NCOR2: variants seen among roughly 807,000 people sequenced by gnomAD.
NCOR2 encodes the protein CTG repeat protein 26.
Under a neutral mutation model 262.9 loss-of-function variants are expected in NCOR2, and 81 were observed. That is an observed-to-expected ratio of 0.31 (90% confidence interval 0.26 to 0.37). The LOEUF is 0.37. Ranked by LOEUF, NCOR2 falls within the 10% of genes least tolerant of loss-of-function variation. NCOR2 has a pLI of 1.00. For synonymous variants in NCOR2, 1,659 were observed against 1,559.3 expected (o/e 1.06, Z -1.51); for missense variants, 3,385 against 3,621.4 (o/e 0.93, Z 1.68).
chr12:124,355,345 G>A lies in NCOR2; in HGVS notation c.3381+87C>T, dbSNP rs890652094. ...GATGACCCAGGCCCCCGAGAGCCTG[G>A]CCCCCACTCAGACTTCATTGGTCCC... On this transcript the variant is annotated intron_variant, in intron 24 of 46. Transcript: ENST00000405201. 19 of 1,496,364 alleles carry A rather than the reference G, an allele frequency of 1.3e-5. No homozygotes were observed. The African/African-American group carries it at 2.6e-4, about 21-fold the overall frequency. The allele number at this position is 1,496,364 out of a possible 1,614,324, so 92.7% of individuals were successfully genotyped here.
upstream of NCOR2, among the ~76,000 whole-genome samples, chr12:124,498,482 C>A (rs1474113494): frequency 6.6e-6 from 1 of 152,146 alleles, no homozygotes; most frequent in Non-Finnish European, 1.5e-5. Flanking sequence ...GAACAGGGAA[C>A]AACTCCAGTA....
chr12:124,376,945 G>A (rs1282790489), intron 18 of NCOR2, among the ~76,000 whole-genome samples: 1 of 152,202 alleles, frequency 6.6e-6, no homozygotes, highest in Admixed American at 6.5e-5. Context: ...CAGCAGAGAA[G>A]GGCTGAGGTC....
At chr12:124,524,948 C>T (rs868182724) in intron 1 of NCOR2, among the ~76,000 whole-genome samples, 1 of 152,236 alleles carries the variant, frequency 6.6e-6, no homozygotes, top group East Asian at 1.9e-4. Context: ...GTACATGAGT[C>T]CGGAACATGC....
chr12:124,478,256 T>A (rs2047215445), intron 3 of NCOR2, among the ~76,000 whole-genome samples: 1 of 152,248 alleles, frequency 6.6e-6, no homozygotes, highest in Non-Finnish European at 1.5e-5. Flanking sequence ...ATCAAGCTGT[T>A]ACCTGAAGCT....
intron 4 of NCOR2, among the ~76,000 whole-genome samples, chr12:124,469,696 A>G (rs1328769373): frequency 2.6e-5 from 4 of 152,200 alleles, no homozygotes; most frequent in African/African-American, 9.7e-5. Context: ...ACCTGTGGGT[A>G]TATGCCTACC....
intron 6 of NCOR2, among the ~76,000 whole-genome samples, 186 bp downstream of exon 8, chr12:124,456,920 C>A (rs1226578414): frequency 7.0e-6 from 1 of 143,564 alleles, no homozygotes; most frequent in East Asian, 2.1e-4. Context: ...CCCAGCCAGG[C>A]CCGCCCACCC....
intron 17 of NCOR2, chr12:124,383,450 G>T (rs1268891): frequency 0.25 from 182,652 of 735,468 alleles, 24,794 homozygotes; most frequent in East Asian, 0.61. Context: ...CACTCAACAG[G>T]GTGCCTTAAG....
chr12:124,503,657 T>C lies in NCOR2; in HGVS notation c.-117-8289A>G, dbSNP rs1195943910. Among the ~76,000 whole-genome samples, 1 of 142,216 alleles carries C rather than the reference T, an allele frequency of 7.0e-6. No individual in the cohort carries two copies. Among genetic ancestry groups the C allele is most frequent in the East Asian group, 2.0e-4 (1 of 4,896 alleles). 93.3% of individuals were successfully genotyped at this position (142,216 alleles called of 152,430 possible). On this transcript the variant is annotated intron_variant, in intron 1 of 46. Transcript: ENST00000404621. The surrounding 1 kb of genome is among the most constrained non-coding windows in gnomAD (Gnocchi z 4.3). ...ATGGGCGAATGGATGGATGGATGGA[T>C]GGATGGACGGGTGAATGGATGGATG...
intron 1 of NCOR2, among the ~76,000 whole-genome samples, chr12:124,551,737 C>A (rs2051719793): frequency 6.6e-6 from 1 of 152,232 alleles, no homozygotes; most frequent in South Asian, 2.1e-4. Context: ...CACTTAATTG[C>A]AGGCTTCAGG....
chr12:124,503,566 T>C lies in NCOR2; in HGVS notation c.-117-8198A>G, dbSNP rs1056940498. Among the ~76,000 whole-genome samples, 3 of 147,730 alleles carry C rather than the reference T, an allele frequency of 2.0e-5. No homozygotes were observed. The highest frequency in any genetic ancestry group is 4.2e-4 in the South Asian group (2 of 4,708). ...ATGGATGGACGAATGGATGGATGGA[T>C]AGATGGAAGACGGACGGATGGACGG... is the stretch of plus-strand genomic sequence containing the variant. On this transcript the variant is annotated intron_variant, in intron 1 of 46. Coordinates refer to the NCOR2 transcript ENST00000404621. This position sits in a 1 kb window ranked among gnomAD's most constrained non-coding sequence, Gnocchi z 4.3.
At chr12:124,425,056 A>G (rs2043454105) in intron 11 of NCOR2, among the ~76,000 whole-genome samples, 2 of 152,216 alleles carry the variant, frequency 1.3e-5, no homozygotes. Context: ...GGCCCAATAC[A>G]AATTCGTAAA....
rs143760893 is a variant in NCOR2, at chr12:124,378,718, CCT to C, written c.2020-336_2020-335del. Among the ~76,000 whole-genome samples, 3 of 152,328 alleles carry C rather than the reference CCT, an allele frequency of 2.0e-5. No homozygotes were observed. The highest frequency in any genetic ancestry group is 1.3e-4 in the Admixed American group (2 of 15,308). ...GAGTGACCACGCCTCCTGGGGACAC[CCT>C]GTCAGCTTCATCGGCACACGTGGAG... On this transcript the variant is annotated intron_variant, in intron 17 of 46. Coordinates refer to ENST00000405201, the Ensembl canonical transcript of NCOR2. This position sits in a 1 kb window ranked among gnomAD's most constrained non-coding sequence, Gnocchi z 4.2.
chr12:124,495,371 G>C, upstream of NCOR2: 2 of 1,440,380 alleles, frequency 1.4e-6, no homozygotes, highest in Non-Finnish European at 1.8e-6. The surrounding 1 kb of genome is among the most constrained non-coding windows in gnomAD (Gnocchi z 4.4). Flanking sequence ...ACTGGCACCT[G>C]CGGGAAAACA....
At chr12:124,366,538 G>T (rs2039052061) in intron 20 of NCOR2, among the ~76,000 whole-genome samples, 1 of 152,080 alleles carries the variant, frequency 6.6e-6, no homozygotes, top group Non-Finnish European at 1.5e-5. Context: ...TTGAGACAGG[G>T]TCTTGCTATG....
At chr12:124,354,638 C>T in intron 25 of NCOR2, 56 bp from the exon 28 acceptor site, 3 of 1,438,984 alleles carry the variant, frequency 2.1e-6, no homozygotes, top group Non-Finnish European at 1.8e-6. Context: ...TCCCGGGAGG[C>T]TTGTCCCCAC....
rs2271138 is a variant in NCOR2, at chr12:124,356,378, G to A, written c.3241+264C>T. 5.9e-5 allele frequency among the ~76,000 whole-genome samples: 9 copies of A among 152,298 alleles called. No homozygotes were observed. The East Asian group carries it at 9.6e-4, about 16-fold the overall frequency. ...CATTCTCTAGCTCTAAGCCGTCAAC[G>A]GAAAACATAGCTCCCACTCTAAGCC... On this transcript the variant is annotated intron_variant, in intron 23 of 46. Coordinates refer to ENST00000405201, the Ensembl canonical transcript of NCOR2.
chr12:124,427,229 G>A (rs1022978872), intron 10 of NCOR2, among the ~76,000 whole-genome samples: 10 of 152,158 alleles, frequency 6.6e-5, no homozygotes, highest in African/African-American at 2.4e-4. Flanking sequence ...CAGCATGCAG[G>A]CAGCCCAGGG....
intron 11 of NCOR2, 132 bp from the exon 14 acceptor site, chr12:124,422,687 A>C: frequency 2.1e-6 from 2 of 955,046 alleles, no homozygotes; most frequent in Non-Finnish European, 1.6e-6. Flanking sequence ...GGAGCAATTA[A>C]GCCCAGGGGG....
chr12:124,370,827 C>T (rs1447756468), intron 20 of NCOR2, among the ~76,000 whole-genome samples: 7 of 152,114 alleles, frequency 4.6e-5, no homozygotes, highest in Non-Finnish European at 1.0e-4. Flanking sequence ...CCAAACAGGA[C>T]GACACTGGGG....
Sources: allele counts gnomAD v4.1 joint callset (sites outside exome capture counted in the v4.1 genomes callset), GRCh38; gene constraint gnomAD v4.1.1; non-coding constraint Gnocchi (gnomAD v3.1); transcripts MANE v1.5; gene names NCBI Gene and HGNC (gene_info 2026-07-23, HGNC 2026-07-21).